The following SOX5 variants were observed in gnomAD, a reference collection of about 807,000 sequenced individuals.
The protein encoded by SOX5 is SRY-box transcription factor 5.
SOX5 carries 9 observed loss-of-function variants against 92.0 expected under a neutral mutation model. The observed-to-expected ratio is 0.10, with a 90% CI of 0.06 to 0.17. SOX5 has a LOEUF of 0.17. Among genes scored for constraint, SOX5 ranks in the 10% least tolerant of loss-of-function variants. The pLI is 1.00. For synonymous variants in SOX5, 344 were observed against 336.3 expected (o/e 1.02, Z -0.25); for missense variants, 642 against 944.5 (o/e 0.68, Z 4.20).
chr12:24,045,213 T>G (rs1239925523), intron 4 of SOX5, among the ~76,000 whole-genome samples: 1 of 152,178 alleles, frequency 6.6e-6, no homozygotes, highest in Non-Finnish European at 1.5e-5. Context: ...GGTAAGTTAC[T>G]TCACCTCCCA....
At chr12:23,969,761 A>T (rs1477154490) in intron 4 of SOX5, among the ~76,000 whole-genome samples, 1 of 152,218 alleles carries the variant, frequency 6.6e-6, no homozygotes, top group Non-Finnish European at 1.5e-5. Flanking sequence ...ATAGCTTTAC[A>T]TCGGTAAAAA....
chr12:23,976,406 C>CAAAAAAAAAAAAAAAAAAA (rs869250917), intron 4 of SOX5, among the ~76,000 whole-genome samples: 2 of 37,874 alleles, frequency 5.3e-5, no homozygotes, highest in African/African-American at 8.7e-5. Flanking sequence ...AACAAAAAAA[C>CAAAAAAAAAAAAAAAAAAA]AAAAAAAAAA....
intron 2 of SOX5, among the ~76,000 whole-genome samples, chr12:24,288,024 A>G (rs1318763745): frequency 1.3e-5 from 2 of 152,362 alleles, no homozygotes; most frequent in Admixed American, 6.5e-5. Flanking sequence ...AATGTTTATC[A>G]GGATTATGCA....
chr12:23,639,162 A>G (rs1314208115), intron 8 of SOX5, among the ~76,000 whole-genome samples: 1 of 152,076 alleles, frequency 6.6e-6, no homozygotes, highest in African/African-American at 2.4e-5. Flanking sequence ...ATATTTTAAT[A>G]TCTTAATGTC....
At chr12:24,069,283 T>C (rs972420405) in intron 4 of SOX5, among the ~76,000 whole-genome samples, 1 of 152,180 alleles carries the variant, frequency 6.6e-6, no homozygotes, top group Non-Finnish European at 1.5e-5. Context: ...GAAATAGGTA[T>C]GCATCTTTTT....
rs1226319087 is a variant in SOX5 at position 23,711,134 on chromosome 12, A to T, written c.810+23550T>A. ...CAAAAGAGGTACCTTATTTTCAAAA[A>T]GAGTCTATTTCTATGTTGCCTTTTT... On this transcript the variant is annotated intron_variant, in intron 6 of 14. Transcript: ENST00000451604. Among the ~76,000 whole-genome samples, 3 of 152,224 alleles carry T rather than the reference A, an allele frequency of 2.0e-5. No homozygotes were observed. In the East Asian group the frequency reaches 5.8e-4, roughly 29 times the overall value.
At chr12:24,526,915 C>G (rs1041181668) in intron 1 of SOX5, among the ~76,000 whole-genome samples, 2 of 151,896 alleles carry the variant, frequency 1.3e-5, no homozygotes, top group Non-Finnish European at 2.9e-5. Context: ...ATCTGCCAGC[C>G]TCAAGTGATT....
intron 3 of SOX5, among the ~76,000 whole-genome samples, chr12:23,809,253 A>G (rs558210482): frequency 6.6e-6 from 1 of 152,210 alleles, no homozygotes; most frequent in East Asian, 1.9e-4. Context: ...GGGTAGGGAG[A>G]GGCAGTGGTA....
chr12:24,078,099 A>C (rs551986497), intron 4 of SOX5, among the ~76,000 whole-genome samples: 2 of 151,962 alleles, frequency 1.3e-5, no homozygotes, highest in Non-Finnish European at 2.9e-5. Context: ...ATGACAACAA[A>C]ATACATTTCA....
At chr12:23,765,685 A>T (rs1332388741) in intron 3 of SOX5, among the ~76,000 whole-genome samples, 1 of 152,114 alleles carries the variant, frequency 6.6e-6, no homozygotes, top group Non-Finnish European at 1.5e-5. Context: ...TTTTAATGGC[A>T]TAAAGTACCA....
intron 4 of SOX5, among the ~76,000 whole-genome samples, chr12:24,095,172 C>CAGAGACAG (rs1945249273): frequency 1.7e-5 from 2 of 116,654 alleles, no homozygotes; most frequent in African/African-American, 6.3e-5. Context: ...GACAGAGAGA[C>CAGAGACAG]AGAGACAGAG....
At chr12:24,185,505 C>G (rs2139337460) in intron 4 of SOX5, among the ~76,000 whole-genome samples, 1 of 152,220 alleles carries the variant, frequency 6.6e-6, no homozygotes. Context: ...CCCCCACTAG[C>G]CTGAACATTC....
At chr12:24,354,886 A>T (rs1049269702) in intron 2 of SOX5, among the ~76,000 whole-genome samples, 1 of 152,200 alleles carries the variant, frequency 6.6e-6, no homozygotes, top group Admixed American at 6.5e-5. Flanking sequence ...CCAATCAAGG[A>T]TGCTTAAATC....
chr12:24,269,392 A>G (rs1383741603), intron 3 of SOX5, among the ~76,000 whole-genome samples: 2 of 152,202 alleles, frequency 1.3e-5, no homozygotes, highest in Non-Finnish European at 2.9e-5. Flanking sequence ...ATATACTGAC[A>G]CCAATGGTAT....
At chr12:24,204,435 T>C (rs531116087) in intron 4 of SOX5, among the ~76,000 whole-genome samples, 1 of 152,086 alleles carries the variant, frequency 6.6e-6, no homozygotes, top group South Asian at 2.1e-4. Context: ...TTCAAGTGAT[T>C]TTCATGCCTC....
intron 3 of SOX5, among the ~76,000 whole-genome samples, chr12:23,839,990 C>CAA (rs142394109): frequency 2.7e-3 from 332 of 121,828 alleles, no homozygotes; most frequent in African/African-American, 9.5e-3. Flanking sequence ...CTCAAGAAGA[C>CAA]AAAAAAAAAA....
intron 9 of SOX5, among the ~76,000 whole-genome samples, chr12:23,580,746 A>T (rs941773289): frequency 1.3e-5 from 2 of 152,062 alleles, no homozygotes; most frequent in African/African-American, 4.8e-5. Context: ...AGCTACGATA[A>T]CTTGTCTGAA....
At chr12:24,362,884 A>G (rs2136191160) in intron 2 of SOX5, among the ~76,000 whole-genome samples, 1 of 147,208 alleles carries the variant, frequency 6.8e-6, no homozygotes, top group South Asian at 2.2e-4. Flanking sequence ...AAAAAAAAAA[A>G]GGAGGGCTAT....
intron 1 of SOX5, among the ~76,000 whole-genome samples, chr12:24,539,843 G>A (rs998805979): frequency 2.6e-5 from 4 of 152,022 alleles, no homozygotes; most frequent in South Asian, 2.1e-4. Context: ...CTGAATGACC[G>A]CAGAGTTCTT....
Sources: allele counts gnomAD v4.1 joint callset (sites outside exome capture counted in the v4.1 genomes callset), GRCh38; gene constraint gnomAD v4.1.1; transcripts MANE v1.5; gene names NCBI Gene and HGNC (gene_info 2026-07-23, HGNC 2026-07-21).